Variants in NUP160 observed in about 807,000 individuals in gnomAD.
NUP160 encodes the protein nuclear pore complex protein Nup160.
Under a neutral mutation model 196.9 loss-of-function variants are expected in NUP160, and 94 were observed. That is an observed-to-expected ratio of 0.48 (90% confidence interval 0.40 to 0.57). The LOEUF (loss-of-function observed/expected upper bound fraction) is 0.57. NUP160 is among the 20% of genes least tolerant of loss of function. The probability of loss-of-function intolerance (pLI) is 0.00; values close to 1 mark genes in which losing one functional copy is unlikely to be tolerated. For missense variants in NUP160, 1,638 were observed against 1,748.3 expected (o/e 0.94, Z 1.13); for synonymous variants, 605 against 619.7 (o/e 0.98, Z 0.35).
intron 9 of NUP160, chr11:47,820,313 T>C (rs1851828237): frequency 6.6e-6 from 1 of 152,220 alleles, no homozygotes; most frequent in Admixed American, 6.5e-5. Context: ...TTGTAAAATG[T>C]ATTTTTAACT....
At chr11:47,778,919 T>G (rs2097659045) in exon 36 of NUP160, 1 of 512,696 alleles carries the variant, frequency 2.0e-6, no homozygotes, top group African/African-American at 1.9e-5. Context: ...GAAATTGTGT[T>G]AGCACCACCA....
chr11:47,842,497 G>T (rs1852325786), intron 2 of NUP160, among the ~76,000 whole-genome samples: 1 of 152,038 alleles, frequency 6.6e-6, no homozygotes, highest in Non-Finnish European at 1.5e-5. Context: ...CTTTGGGGTG[G>T]GGCCTCAAGG....
intron 27 of NUP160, among the ~76,000 whole-genome samples, chr11:47,795,291 C>T (rs576103474): frequency 5.5e-4 from 84 of 152,228 alleles, no homozygotes; most frequent in African/African-American, 1.9e-3. Flanking sequence ...ATATGTAAGG[C>T]GCTTTCAGAA....
chr11:47,798,343 C>A (rs2097672079), intron 24 of NUP160, 25 bp downstream of exon 24: 17 of 1,576,022 alleles, frequency 1.1e-5, no homozygotes, highest in Non-Finnish European at 1.5e-5. Flanking sequence ...TTAAAGAAAA[C>A]AACCAAATTG....
intron 18 of NUP160, among the ~76,000 whole-genome samples, chr11:47,808,009 G>A (rs567156489): frequency 3.9e-5 from 6 of 152,272 alleles, no homozygotes; most frequent in African/African-American, 9.6e-5. Flanking sequence ...CCCGGCTGGC[G>A]TGGTGGCCCA....
Position 47,782,306 on chromosome 11 carries a change from ATATATATATATATAT to A in NUP160, c.4116+752_4116+766del, listed in dbSNP as rs2097661750. Among the ~76,000 whole-genome samples the A allele has an allele frequency of 4.3e-3, 182 of 42,312 alleles. 28 individuals are homozygous for A. The highest frequency in any genetic ancestry group is 0.017 in the African/African-American group (152 of 8,900). 27.8% of individuals were successfully genotyped at this position (42,312 alleles called of 152,430 possible). Reference sequence around the variant, plus strand: ...AACTCAGTTAAAAAAAAAAAAAAATATATATATATATATATATATATATATATATATATATATATA... The same window carrying A: ...AACTCAGTTAAAAAAAAAAAAAAATAATATATATATATATATATATATATA... On this transcript the variant is annotated intron_variant, in intron 34 of 35. Coordinates refer to ENST00000378460, the Ensembl canonical transcript of NUP160.
exon 36 of NUP160, chr11:47,778,760 A>G (rs534516838): frequency 5.3e-6 from 1 of 188,738 alleles, no homozygotes; most frequent in East Asian, 1.4e-4. Flanking sequence ...AGCTACAACA[A>G]GCCAACAACC....
chr11:47,788,228 TCTG>T (rs2097665796), exon 31 of NUP160: 1 of 1,613,862 alleles, frequency 6.2e-7, no homozygotes, highest in Non-Finnish European at 8.5e-7. Context: ...AGCTTAAAAG[TCTG>T]ACAGAGTGAT....
At chr11:47,840,160 A>T in intron 3 of NUP160, 95 bp from the exon 4 acceptor site, 1 of 965,636 alleles carries the variant, frequency 1.0e-6, no homozygotes. Context: ...TAAAGTAAAA[A>T]ACTGTCAAGT....
intron 20 of NUP160, among the ~76,000 whole-genome samples, chr11:47,805,682 G>A (rs2097677118): frequency 6.6e-6 from 1 of 151,926 alleles, no homozygotes; most frequent in Non-Finnish European, 1.5e-5. Context: ...TCCTGACCTC[G>A]TGATCTGCCC....
chr11:47,798,261 G>A (rs2097672015), exon 25 of NUP160: 1 of 1,600,256 alleles, frequency 6.2e-7, no homozygotes, highest in Non-Finnish European at 8.6e-7. Flanking sequence ...CCTTAGAGTA[G>A]CCTAAATATC....
rs991623560 is a variant in NUP160, at chr11:47,819,603, T to A, written c.1278-145A>T. ...CAATTCTATTAAAAACATTTTTTTT[T>A]AAATAAGAAAGAAAGAAACATTTTT... is the stretch of plus-strand genomic sequence containing the variant. On this transcript the variant is annotated intron_variant, in intron 9 of 35. Transcript: ENST00000378460. The A allele has an allele frequency of 1.1e-4, 52 of 481,460 alleles. 1 individual carries two copies. Among genetic ancestry groups the A allele is most frequent in the Middle Eastern group, 4.1e-4 (1 of 2,460 alleles). 29.8% of individuals were successfully genotyped at this position (481,460 alleles called of 1,614,324 possible). A position where few individuals can be genotyped will look rare whatever the true frequency, so the allele number is the denominator to read the frequency against.
intron 18 of NUP160, among the ~76,000 whole-genome samples, chr11:47,807,737 T>C (rs1442564001): frequency 1.3e-5 from 2 of 152,174 alleles, no homozygotes; most frequent in Non-Finnish European, 2.9e-5. Flanking sequence ...CTACCTAAAG[T>C]AACAAGCGTA....
intron 29 of NUP160, among the ~76,000 whole-genome samples, chr11:47,788,975 C>T (rs1258239579): frequency 6.6e-6 from 1 of 151,624 alleles, no homozygotes; most frequent in Non-Finnish European, 1.5e-5. Flanking sequence ...CTCTTGGGTT[C>T]ATGTGATTCT....
chr11:47,845,876 T>C (rs1300389191), intron 2 of NUP160, among the ~76,000 whole-genome samples: 3 of 152,138 alleles, frequency 2.0e-5, no homozygotes, highest in Admixed American at 2.0e-4. Flanking sequence ...CTTACGCCTG[T>C]AATCCTAGCA....
intron 2 of NUP160, among the ~76,000 whole-genome samples, chr11:47,847,301 C>G (rs12418852): frequency 0.28 from 41,896 of 151,946 alleles, 6,771 homozygotes; most frequent in Middle Eastern, 0.38. Flanking sequence ...CCTTTCCCTG[C>G]CCCACTAATT....
At chr11:47,820,752 A>T (rs1202739715) in intron 9 of NUP160, among the ~76,000 whole-genome samples, 1 of 152,082 alleles carries the variant, frequency 6.6e-6, no homozygotes, top group Non-Finnish European at 1.5e-5. Flanking sequence ...GGGTTTCACC[A>T]TGTTGGCCAG....
chr11:47,836,234 C>T (rs904894040), intron 6 of NUP160, among the ~76,000 whole-genome samples: 3 of 151,818 alleles, frequency 2.0e-5, no homozygotes, highest in Non-Finnish European at 2.9e-5. Context: ...AGTGACAGAG[C>T]GAGACTCTGT....
rs750659752 is a variant in NUP160 at position 47,780,409 on chromosome 11, T to C, written c.4155A>G (p.Pro1385=). The C allele has an allele frequency of 5.0e-6, 8 of 1,613,722 alleles. No homozygotes were observed. Among genetic ancestry groups the C allele is most frequent in the Middle Eastern group, 3.3e-4 (2 of 6,082 alleles). ...GGAGAAGCTGATCAATAGAGGAGTA[T>C]GGAAGCCACACCATTGGGGCTGTTG... Residue 1385 remains proline, a synonymous_variant, in exon 35 of 36, where the codon CCA becomes CCG. Coordinates refer to ENST00000378460, the Ensembl canonical transcript of NUP160.
Sources: allele counts gnomAD v4.1 joint callset (sites outside exome capture counted in the v4.1 genomes callset), GRCh38; gene constraint gnomAD v4.1.1; transcripts MANE v1.5; gene names NCBI Gene and HGNC (gene_info 2026-07-23, HGNC 2026-07-21).